GSK3B: variants seen among roughly 807,000 people sequenced by gnomAD.
GSK3B encodes glycogen synthase kinase 3 beta, also known as glycogen synthase kinase-3 beta.
Under a neutral mutation model 56.4 loss-of-function variants are expected in GSK3B, and 15 were observed. The ratio of observed to expected loss-of-function variants is 0.27; its 90% CI spans 0.18 to 0.41. GSK3B has a LOEUF of 0.41. GSK3B is among the 10% of genes least tolerant of loss of function. GSK3B has a pLI of 1.00. For synonymous variants in GSK3B, 181 were observed against 188.9 expected (o/e 0.96, Z 0.34); for missense variants, 300 against 513.4 (o/e 0.58, Z 4.02).
At chr3:119,884,592 G>A (rs1021831704) in intron 7 of GSK3B, among the ~76,000 whole-genome samples, 1 of 152,204 alleles carries the variant, frequency 6.6e-6, no homozygotes, top group South Asian at 2.1e-4. Context: ...AAATGCATGT[G>A]TCACTGACTC....
At chr3:120,087,381 A>G (rs961187525) in intron 1 of GSK3B, among the ~76,000 whole-genome samples, 8 of 152,030 alleles carry the variant, frequency 5.3e-5, no homozygotes, top group Non-Finnish European at 1.0e-4. Flanking sequence ...AAATACAAAA[A>G]ATTAGCCAGG....
chr3:119,958,058 C>T (rs1366308857), intron 2 of GSK3B, among the ~76,000 whole-genome samples: 1 of 152,114 alleles, frequency 6.6e-6, no homozygotes, highest in African/African-American at 2.4e-5. Flanking sequence ...AGGGAAGTGA[C>T]TGGGAGAGAT....
At position 120,093,484 on chromosome 3, in the gene GSK3B, T is replaced by A. The variant is rs1559911142; in HGVS notation, c.-50A>T. On this transcript the variant is annotated 5_prime_UTR_variant, in exon 1 of 11. In the 5' UTR this introduces an upstream ATG that the reference lacks. Coordinates refer to ENST00000264235, the MANE Select transcript of GSK3B (RefSeq NM_001146156.2). ...TTTCCTTCCTTCCTCCTTTTCTTCCTTTTGTCTTTATGTTGGGGTGTTAGG... is the reference window on the plus strand; with the variant it reads ...TTTCCTTCCTTCCTCCTTTTCTTCCATTTGTCTTTATGTTGGGGTGTTAGG... The A allele has an allele frequency of 8.1e-7, 1 of 1,239,308 alleles. No individual in the cohort carries two copies. The allele number at this position is 1,239,308 out of a possible 1,614,324, so 76.8% of individuals were successfully genotyped here.
chr3:119,865,265 G>A (rs577091702), intron 8 of GSK3B, among the ~76,000 whole-genome samples: 12 of 151,608 alleles, frequency 7.9e-5, no homozygotes, highest in Admixed American at 2.0e-4. Context: ...CACCAATATG[G>A]CAGCACATAA....
Position 120,093,472 on chromosome 3 carries a change from T to A in GSK3B, c.-38A>T. On this transcript the variant is annotated 5_prime_UTR_variant, in exon 1 of 11. Coordinates refer to ENST00000264235, the MANE Select transcript of GSK3B (RefSeq NM_001146156.2). ...CGCGAATCACCTTTTCCTTCCTTCC[T>A]CCTTTTCTTCCTTTTGTCTTTATGT... is the stretch of plus-strand genomic sequence containing the variant. 1 of 1,290,108 alleles carries A rather than the reference T, an allele frequency of 7.8e-7. No homozygotes were observed. The highest frequency in any genetic ancestry group is 1.1e-6 in the Non-Finnish European group (1 of 885,546). 79.9% of individuals were successfully genotyped at this position (1,290,108 alleles called of 1,614,324 possible).
At chr3:119,979,084 T>A (rs896113112) in intron 2 of GSK3B, among the ~76,000 whole-genome samples, 1 of 152,240 alleles carries the variant, frequency 6.6e-6, no homozygotes, top group African/African-American at 2.4e-5. Context: ...TTGGCTTAAG[T>A]GTTTAGTCTT....
chr3:119,874,522 G>A (rs112825463), intron 8 of GSK3B, among the ~76,000 whole-genome samples: 1 of 152,008 alleles, frequency 6.6e-6, no homozygotes, highest in African/African-American at 2.4e-5. Context: ...GAGGACTAGT[G>A]GCAGTCTTGA....
At chr3:120,090,088 A>G (rs1198727954) in intron 1 of GSK3B, among the ~76,000 whole-genome samples, 1 of 152,130 alleles carries the variant, frequency 6.6e-6, no homozygotes, top group African/African-American at 2.4e-5. Flanking sequence ...ACAAGTTTTA[A>G]GCATATATCA....
chr3:119,965,627 G>T (rs2057312066), intron 2 of GSK3B, among the ~76,000 whole-genome samples: 1 of 152,010 alleles, frequency 6.6e-6, no homozygotes, highest in Admixed American at 6.6e-5. Context: ...ACCAATTCTG[G>T]TCCAAATTCA....
At chr3:119,850,035 T>C (rs966766291) in intron 9 of GSK3B, among the ~76,000 whole-genome samples, 19 of 131,630 alleles carry the variant, frequency 1.4e-4, no homozygotes, top group African/African-American at 4.7e-4. Flanking sequence ...TAGATGTATG[T>C]AATGTAAATC....
intron 1 of GSK3B, among the ~76,000 whole-genome samples, chr3:120,008,492 T>C (rs2057749181): frequency 6.6e-6 from 1 of 152,172 alleles, no homozygotes; most frequent in African/African-American, 2.4e-5. Flanking sequence ...AACAGCATGG[T>C]ACTGGTACCA....
intron 1 of GSK3B, among the ~76,000 whole-genome samples, chr3:120,092,385 G>A (rs1472117476): frequency 3.3e-5 from 5 of 152,110 alleles, no homozygotes; most frequent in Admixed American, 3.3e-4. Context: ...TAAATCCACA[G>A]TTATCTAAAT....
intron 2 of GSK3B, among the ~76,000 whole-genome samples, chr3:119,949,006 T>C (rs1301132647): frequency 6.6e-6 from 1 of 152,202 alleles, no homozygotes; most frequent in Non-Finnish European, 1.5e-5. Context: ...CCAGCCTCTA[T>C]ACTTTGTTAA....
chr3:119,928,628 A>T (rs1048150120), intron 3 of GSK3B, among the ~76,000 whole-genome samples: 35 of 150,770 alleles, frequency 2.3e-4, no homozygotes, highest in African/African-American at 8.3e-4. Context: ...AAAAAAAAAA[A>T]AAAAAAAGAG....
chr3:119,978,168 AAAC>A (rs1284219774), intron 2 of GSK3B, among the ~76,000 whole-genome samples: 2 of 152,170 alleles, frequency 1.3e-5, no homozygotes, highest in East Asian at 3.9e-4. Flanking sequence ...CATAAACCAC[AAAC>A]AACATCACCA....
chr3:119,894,853 AGAGTTTTATCGTTTT>A (rs1433424756), intron 7 of GSK3B, among the ~76,000 whole-genome samples: 1 of 152,146 alleles, frequency 6.6e-6, no homozygotes, highest in Non-Finnish European at 1.5e-5. Flanking sequence ...TTTCCTTCTA[AGAGTTTTATCGTTTT>A]GGCTCTAACA....
intron 1 of GSK3B, among the ~76,000 whole-genome samples, chr3:120,080,426 AC>A (rs983636311): frequency 2.6e-5 from 4 of 152,122 alleles, no homozygotes; most frequent in Non-Finnish European, 4.4e-5. Flanking sequence ...AGCAATAGAA[AC>A]CCTATTGTTT....
At chr3:119,950,801 GA>G (rs1408511057) in intron 2 of GSK3B, among the ~76,000 whole-genome samples, 1 of 152,198 alleles carries the variant, frequency 6.6e-6, no homozygotes, top group Non-Finnish European at 1.5e-5. Context: ...AGATATGACA[GA>G]ACAGTAGAGG....
intron 7 of GSK3B, among the ~76,000 whole-genome samples, chr3:119,894,070 A>C (rs1320661133): frequency 6.6e-6 from 1 of 152,066 alleles, no homozygotes; most frequent in Non-Finnish European, 1.5e-5. Context: ...AGAACCACTA[A>C]TCTTTTTGTC....
Sources: allele counts gnomAD v4.1 joint callset (sites outside exome capture counted in the v4.1 genomes callset), GRCh38; gene constraint gnomAD v4.1.1; transcripts MANE v1.5; gene names NCBI Gene and HGNC (gene_info 2026-07-23, HGNC 2026-07-21).